The following HCRTR2 variants were observed in gnomAD, a reference collection of about 807,000 sequenced individuals.
The protein encoded by HCRTR2 is orexin receptor type 2.
Under a neutral mutation model 49.0 loss-of-function variants are expected in HCRTR2, and 22 were observed. The observed-to-expected ratio is 0.45, with a 90% CI of 0.32 to 0.64. The LOEUF is 0.64. HCRTR2 is among the 30% of genes least tolerant of loss of function. The pLI is 0.04. For synonymous variants in HCRTR2, 236 were observed against 205.3 expected (o/e 1.15, Z -1.28); for missense variants, 491 against 559.4 (o/e 0.88, Z 1.23).
chr6:55,114,264 C>G (rs555260026), intron 1 of HCRTR2, among the ~76,000 whole-genome samples: 3 of 147,488 alleles, frequency 2.0e-5, no homozygotes, highest in African/African-American at 7.5e-5. Flanking sequence ...TCTCAAAAAC[C>G]TATTGAAATG....
At chr6:55,115,756 T>A (rs1396074389) in intron 1 of HCRTR2, among the ~76,000 whole-genome samples, 1 of 151,600 alleles carries the variant, frequency 6.6e-6, no homozygotes, top group Admixed American at 6.6e-5. Flanking sequence ...TGTTACTTAA[T>A]CAGAAAATGA....
At chr6:55,188,658 T>C (rs989181839) in intron 1 of HCRTR2, among the ~76,000 whole-genome samples, 3 of 152,220 alleles carry the variant, frequency 2.0e-5, no homozygotes, top group African/African-American at 7.2e-5. Context: ...ATGTGTAATC[T>C]GTTCTATTAC....
intron 1 of HCRTR2, among the ~76,000 whole-genome samples, chr6:55,208,879 A>G (rs1765650400): frequency 6.6e-6 from 1 of 152,242 alleles, no homozygotes; most frequent in Admixed American, 6.5e-5. Flanking sequence ...ACAAATGTGT[A>G]AAAGCATTAT....
intron 1 of HCRTR2, among the ~76,000 whole-genome samples, chr6:55,135,470 C>A (rs1221550609): frequency 1.3e-5 from 2 of 151,998 alleles, no homozygotes; most frequent in African/African-American, 4.8e-5. Context: ...TAAATGTATT[C>A]CTGAAAGTTG....
chr6:55,282,915 C>A (rs755565860), downstream of HCRTR2, among the ~76,000 whole-genome samples: 1 of 151,894 alleles, frequency 6.6e-6, no homozygotes, highest in Non-Finnish European at 1.5e-5. Context: ...AATCACAAGA[C>A]TGTTGTTATA....
chr6:55,184,433 C>T (rs1429871197), intron 1 of HCRTR2, among the ~76,000 whole-genome samples: 1 of 152,098 alleles, frequency 6.6e-6, no homozygotes, highest in African/African-American at 2.4e-5. Context: ...CACATTTTGG[C>T]CTCACACTGA....
At chr6:55,262,949 A>T (rs1766795997) in intron 3 of HCRTR2, among the ~76,000 whole-genome samples, 1 of 151,452 alleles carries the variant, frequency 6.6e-6, no homozygotes, top group Admixed American at 6.6e-5. Context: ...AAATTACTAC[A>T]GTCCTAGAGG....
chr6:55,165,275 C>T (rs1329709482), intron 1 of HCRTR2, among the ~76,000 whole-genome samples: 2 of 151,702 alleles, frequency 1.3e-5, no homozygotes, highest in Non-Finnish European at 2.9e-5. Context: ...AAAGGGATAA[C>T]AATAGAGTAT....
At chr6:55,268,264 A>C (rs1221434809) in intron 4 of HCRTR2, among the ~76,000 whole-genome samples, 1 of 152,164 alleles carries the variant, frequency 6.6e-6, no homozygotes, top group Non-Finnish European at 1.5e-5. Flanking sequence ...ACACAAAATA[A>C]AGCAGTAGTG....
chr6:55,240,433 A>G (rs1396514803), intron 1 of HCRTR2, among the ~76,000 whole-genome samples: 4 of 151,244 alleles, frequency 2.6e-5, no homozygotes, highest in Non-Finnish European at 5.9e-5. Context: ...GGCACATTTC[A>G]CAACACAGAT....
chr6:55,264,467 C>A (rs1207673357), intron 4 of HCRTR2, among the ~76,000 whole-genome samples: 1 of 152,058 alleles, frequency 6.6e-6, no homozygotes, highest in Non-Finnish European at 1.5e-5. Context: ...ACATGTCTCA[C>A]ACAAAAGCTA....
At position 55,153,210 on chromosome 6, in the gene HCRTR2, G is replaced by A. The variant is rs1035867271; in HGVS notation, c.-377-21001G>A. 2.0e-5 allele frequency among the ~76,000 whole-genome samples: 3 copies of A among 151,818 alleles called. No homozygotes were observed. In the East Asian group the frequency reaches 5.8e-4, roughly 29 times the overall value. The stretch of plus-strand genomic sequence containing the variant: ...CTAGGCTCTCTGTTCTGTTCTATTG[G>A]TCAACATATGGTCATATATCACTTA... On this transcript the variant is annotated intron_variant, in intron 1 of 7. Coordinates refer to the HCRTR2 transcript ENST00000615358.
chr6:55,204,273 G>A (rs112955056), intron 1 of HCRTR2, among the ~76,000 whole-genome samples: 3 of 152,084 alleles, frequency 2.0e-5, no homozygotes, highest in African/African-American at 7.2e-5. Flanking sequence ...TCTGAGATGT[G>A]TGTTCTACAC....
chr6:55,248,616 A>C (rs752753429), intron 1 of HCRTR2, 23 bp from the exon 2 acceptor site: 1 of 1,597,126 alleles, frequency 6.3e-7, no homozygotes, highest in South Asian at 1.1e-5. Flanking sequence ...TTGAGTGCCT[A>C]TTCCTTTTTC....
chr6:55,229,650 G>A (rs944157288), intron 1 of HCRTR2, among the ~76,000 whole-genome samples: 1 of 152,140 alleles, frequency 6.6e-6, no homozygotes, highest in African/African-American at 2.4e-5. Context: ...GACAATTATT[G>A]CATGATTCTA....
At chr6:55,176,303 G>A (rs1168398978) in intron 1 of HCRTR2, among the ~76,000 whole-genome samples, 1 of 152,102 alleles carries the variant, frequency 6.6e-6, no homozygotes, top group Non-Finnish European at 1.5e-5. Flanking sequence ...TGATTTAAAA[G>A]TAAAAATAAA....
At chr6:55,231,966 A>T (rs1766123308) in intron 1 of HCRTR2, among the ~76,000 whole-genome samples, 1 of 152,158 alleles carries the variant, frequency 6.6e-6, no homozygotes, top group South Asian at 2.1e-4. Context: ...TGCTGTGATC[A>T]GTCTCTCCGT....
At chr6:55,277,683 C>T in intron 5 of HCRTR2, 83 bp downstream of exon 5, 1 of 988,138 alleles carries the variant, frequency 1.0e-6, no homozygotes, top group Non-Finnish European at 1.5e-6. Flanking sequence ...TTTAACTAAG[C>T]CAGAGAAAAA....
rs566325276 is a variant in HCRTR2 at position 55,228,081 on chromosome 6, G to A, written c.224-20558G>A. Among the ~76,000 whole-genome samples, 40 of 152,226 alleles carry A rather than the reference G, an allele frequency of 2.6e-4. No individual in the cohort carries two copies. In the East Asian group the frequency reaches 6.8e-3, roughly 26 times the overall value. ...AGACTTATACAAATGCAGAAGTCATGGTTGAGGTAGTGAGAGGATTTCCAG... is the reference window on the plus strand; with the variant it reads ...AGACTTATACAAATGCAGAAGTCATAGTTGAGGTAGTGAGAGGATTTCCAG... On this transcript the variant is annotated intron_variant, in intron 1 of 6. Transcript: ENST00000370862.
Sources: allele counts gnomAD v4.1 joint callset (sites outside exome capture counted in the v4.1 genomes callset), GRCh38; gene constraint gnomAD v4.1.1; transcripts MANE v1.5; gene names NCBI Gene and HGNC (gene_info 2026-07-23, HGNC 2026-07-21).